CACNA1C: variants seen among roughly 807,000 people sequenced by gnomAD.
The protein encoded by CACNA1C is voltage-dependent L-type calcium channel subunit alpha-1C.
Under a neutral mutation model 229.0 loss-of-function variants are expected in CACNA1C, and 30 were observed. The observed-to-expected ratio is 0.13, with a 90% CI of 0.10 to 0.18. CACNA1C has a LOEUF of 0.18. CACNA1C is among the 10% of genes least tolerant of loss of function. CACNA1C has a pLI of 1.00. For missense variants in CACNA1C, 1,658 were observed against 2,845.0 expected (o/e 0.58, Z 9.49); for synonymous variants, 1,114 against 1,132.5 (o/e 0.98, Z 0.33).
intron 3 of CACNA1C, among the ~76,000 whole-genome samples, chr12:2,349,908 G>A (rs1192422919): frequency 1.3e-5 from 2 of 152,196 alleles, no homozygotes; most frequent in East Asian, 3.9e-4. Flanking sequence ...TCTTGGGGAG[G>A]AAAGAAGAGT....
At chr12:2,506,492 A>T (rs1229073576) in intron 8 of CACNA1C, among the ~76,000 whole-genome samples, 1 of 152,206 alleles carries the variant, frequency 6.6e-6, no homozygotes, top group African/African-American at 2.4e-5. Context: ...TGATAGAATA[A>T]GATCATTTTC....
intron 29 of CACNA1C, among the ~76,000 whole-genome samples, chr12:2,622,448 C>T (rs2083803428): frequency 1.3e-5 from 2 of 152,298 alleles, no homozygotes; most frequent in South Asian, 4.1e-4. Flanking sequence ...AGGTCCCTGA[C>T]TCTGCCCCTC....
In CACNA1C at chr12:2,448,889, C is replaced by G. The variant is rs892400071; in HGVS notation, c.478-87C>G. The G allele has an allele frequency of 3.5e-6, 4 of 1,155,174 alleles. No individual in the cohort carries two copies. The African/African-American group carries it at 6.1e-5, about 18-fold the overall frequency. The allele number at this position is 1,155,174 out of a possible 1,614,324, so 71.6% of individuals were successfully genotyped here. ...ACAGAGGGGGCAGCATTATCTTCCA[C>G]CTACTTGTGAGATCTACTGGTTCCA... On this transcript the variant is annotated intron_variant, in intron 3 of 46. Transcript: ENST00000399655.
rs540244342 is a variant in CACNA1C at position 2,081,004 on chromosome 12, T to C, written c.49+27393T>C. On this transcript the variant is annotated intron_variant, in intron 1 of 46. Coordinates refer to ENST00000399655, the MANE Select transcript of CACNA1C (RefSeq NM_000719.7). ...AATGTTTTGAAATTTAAGAAAGATATTGATTTTTAGATTATACCAGCACAC... is the reference window on the plus strand; with the variant it reads ...AATGTTTTGAAATTTAAGAAAGATACTGATTTTTAGATTATACCAGCACAC... Among the ~76,000 whole-genome samples the C allele has an allele frequency of 5.9e-5, 9 of 152,342 alleles. No individual in the cohort carries two copies. In the East Asian group the frequency reaches 9.6e-4, roughly 16 times the overall value.
At chr12:2,048,910 C>T (rs568143681), upstream of CACNA1C, among the ~76,000 whole-genome samples, 7 of 152,322 alleles carry the variant, frequency 4.6e-5, no homozygotes, top group East Asian at 1.9e-4. Flanking sequence ...AAGACAGCTA[C>T]TGTCAACACT....
rs966207060 is a variant in CACNA1C, at chr12:2,508,680, T to C, written c.1217+3735T>C. On this transcript the variant is annotated intron_variant, in intron 8 of 46. Coordinates refer to ENST00000399655, the MANE Select transcript of CACNA1C (RefSeq NM_000719.7). ...AAAGTAAAAAAGAAAAAATTTTTAA[T>C]GGAAATTCAAAGACTTTTGGCCCTG... Among the ~76,000 whole-genome samples the C allele has an allele frequency of 2.0e-5, 3 of 152,170 alleles. No individual in the cohort carries two copies. The East Asian group carries it at 5.8e-4, about 29-fold the overall frequency.
intron 1 of CACNA1C, chr12:1,998,097 G>A (rs2041363198): frequency 1.3e-6 from 1 of 744,730 alleles, no homozygotes; most frequent in Non-Finnish European, 2.1e-6. Context: ...TACCCAACAT[G>A]AGGAGTTATT....
chr12:2,471,961 G>A (rs570970358), intron 5 of CACNA1C, among the ~76,000 whole-genome samples: 34 of 152,368 alleles, frequency 2.2e-4, no homozygotes, highest in Non-Finnish European at 4.0e-4. Flanking sequence ...TTACAGGCGT[G>A]AGCCACCATG....
intron 3 of CACNA1C, among the ~76,000 whole-genome samples, chr12:2,144,590 C>T (rs1306343047): frequency 6.6e-6 from 1 of 151,190 alleles, no homozygotes; most frequent in Non-Finnish European, 1.5e-5. Context: ...TTATAACTCA[C>T]CTCTAAAATG....
At chr12:2,107,512 G>C (rs550210982) in intron 1 of CACNA1C, among the ~76,000 whole-genome samples, 1 of 151,854 alleles carries the variant, frequency 6.6e-6, no homozygotes, top group South Asian at 2.1e-4. Context: ...AAGCCACTGG[G>C]TGCTCACCCT....
intron 2 of CACNA1C, among the ~76,000 whole-genome samples, 191 bp downstream of exon 2, chr12:2,115,736 A>C (rs1054681472): frequency 6.6e-6 from 1 of 152,272 alleles, no homozygotes; most frequent in Non-Finnish European, 1.5e-5. Context: ...TGGATGAATC[A>C]GAATATCTGG....
intron 3 of CACNA1C, among the ~76,000 whole-genome samples, chr12:2,261,220 A>T (rs2080046773): frequency 6.6e-6 from 1 of 151,972 alleles, no homozygotes; most frequent in South Asian, 2.1e-4. Context: ...TGACAGAGCG[A>T]GACTCCGTCT....
rs201782498 is a variant in CACNA1C at position 2,189,631 on chromosome 12, C to T, written c.477+69201C>T. 6.3e-4 allele frequency among the ~76,000 whole-genome samples: 96 copies of T among 152,238 alleles called. No homozygotes were observed. The East Asian group carries it at 0.011, about 17-fold the overall frequency. ...TGCTAACTGGCTGGAAAACTATCAGCGTGTGGAGTGGAAACCTGTAGGGGC... is the reference window on the plus strand; with the variant it reads ...TGCTAACTGGCTGGAAAACTATCAGTGTGTGGAGTGGAAACCTGTAGGGGC... On this transcript the variant is annotated intron_variant, in intron 3 of 46. Coordinates refer to ENST00000399655, the MANE Select transcript of CACNA1C (RefSeq NM_000719.7).
At chr12:2,124,023 C>G (rs1289648946) in intron 3 of CACNA1C, among the ~76,000 whole-genome samples, 4 of 151,958 alleles carry the variant, frequency 2.6e-5, no homozygotes, top group Non-Finnish European at 5.9e-5. Flanking sequence ...CAACCTAACC[C>G]AGGCCCTGTT....
chr12:2,416,282 C>T (rs1346914062), intron 3 of CACNA1C, among the ~76,000 whole-genome samples: 4 of 151,926 alleles, frequency 2.6e-5, no homozygotes, highest in African/African-American at 4.8e-5. Flanking sequence ...CACTCTATTT[C>T]GTGGGCCTGG....
chr12:2,473,981 C>T lies in CACNA1C; in HGVS notation c.758-12123C>T, dbSNP rs187400909. 4.4e-3 allele frequency among the ~76,000 whole-genome samples: 663 copies of T among 152,166 alleles called. 22 individuals carry two copies. The highest frequency in any genetic ancestry group is 0.04 in the Admixed American group (610 of 15,284). The stretch of plus-strand genomic sequence containing the variant: ...TGAACAAATTTGGTTCTTTGTTACA[C>T]TCCATCTCAAGAACATCCAGGGAAG... On this transcript the variant is annotated intron_variant, in intron 5 of 46. Coordinates refer to ENST00000399655, the MANE Select transcript of CACNA1C (RefSeq NM_000719.7).
intron 11 of CACNA1C, among the ~76,000 whole-genome samples, chr12:2,564,860 CAG>C (rs1323923214): frequency 2.0e-5 from 3 of 152,252 alleles, no homozygotes; most frequent in Non-Finnish European, 4.4e-5. Flanking sequence ...TAGAAGGTGA[CAG>C]AGGGGCTGTT....
intron 10 of CACNA1C, among the ~76,000 whole-genome samples, chr12:2,554,627 G>A (rs535025820): frequency 4.7e-4 from 71 of 152,266 alleles, no homozygotes; most frequent in African/African-American, 1.6e-3. Flanking sequence ...CGAGGCACCC[G>A]GGCTCCTGGC....
At chr12:2,384,096 A>G (rs1389171845) in intron 3 of CACNA1C, among the ~76,000 whole-genome samples, 1 of 152,218 alleles carries the variant, frequency 6.6e-6, no homozygotes, top group Non-Finnish European at 1.5e-5. Context: ...CCTCCAGACA[A>G]GCTGCCTTCC....
Sources: gnomAD v4.1 joint callset for allele counts (sites outside exome capture counted in the v4.1 genomes callset) on GRCh38, gnomAD v4.1.1 for gene constraint, MANE v1.5 for transcripts, NCBI Gene and HGNC (gene_info 2026-07-23, HGNC 2026-07-21) for gene names.